TOGARAM1: variants seen among roughly 807,000 people sequenced by gnomAD.
The protein encoded by TOGARAM1 is TOG array regulator of axonemal microtubules 1, also known as TOG array regulator of axonemal microtubules protein 1.
TOGARAM1 carries 100 observed loss-of-function variants against 166.6 expected under a neutral mutation model. The ratio of observed to expected loss-of-function variants is 0.60; its 90% CI spans 0.51 to 0.71. The LOEUF is 0.71. Ranked by LOEUF, TOGARAM1 falls within the 30% of genes least tolerant of loss-of-function variation. TOGARAM1 has a pLI of 0.00. For synonymous variants in TOGARAM1, 758 were observed against 763.8 expected (o/e 0.99, Z 0.13); for missense variants, 2,029 against 2,102.7 (o/e 0.96, Z 0.69).
chr14:45,042,672 T>C (rs1483958929), intron 11 of TOGARAM1, among the ~76,000 whole-genome samples: 1 of 152,150 alleles, frequency 6.6e-6, no homozygotes, highest in African/African-American at 2.4e-5. Context: ...TACACTATAA[T>C]GTAGTCTAAT....
Position 45,009,322 on chromosome 14 carries a change from G to C in TOGARAM1, c.3137+177G>C, listed in dbSNP as rs1879654914. On this transcript the variant is annotated intron_variant, in intron 6 of 19. Coordinates refer to ENST00000361462, the MANE Select transcript of TOGARAM1 (RefSeq NM_001308120.2). ...ATTACCTTGCTTGGCTTTGGTTTCT[G>C]GTGTGAGTGGAAAGAGAACACAACC... Among the ~76,000 whole-genome samples, 5 of 152,278 alleles carry C rather than the reference G, an allele frequency of 3.3e-5. No homozygotes were observed. The South Asian group carries it at 1.0e-3, about 32-fold the overall frequency.
Position 44,999,517 on chromosome 14 carries a change from T to C in TOGARAM1, c.2338+20T>C. The C allele has an allele frequency of 6.4e-7, 1 of 1,564,756 alleles. No individual in the cohort carries two copies. Among genetic ancestry groups the C allele is most frequent in the Non-Finnish European group, 8.7e-7 (1 of 1,150,844 alleles). The stretch of plus-strand genomic sequence containing the variant: ...AAAAAGGTATAAGTTCCAAATTTAC[T>C]TGGAAACAAATGACTTATAAATATT... On this transcript the variant is annotated intron_variant, in intron 3 of 19. Transcript: ENST00000361462.
At chr14:44,999,558 C>T (rs17115735) in intron 3 of TOGARAM1, 61 bp downstream of exon 3, 197,076 of 1,383,706 alleles carry the variant, frequency 0.14, 14,859 homozygotes, top group African/African-American at 0.22. Context: ...GGGATTCCAA[C>T]ACTAACTTAT....
rs760071010 is a variant in TOGARAM1 at position 45,027,457 on chromosome 14, G to A, written c.3487G>A (p.Val1163Ile). ...GCAAAATATTTCATCATATCTTGAT[G>A]TTGAGAATGAAAAAGATGTAAGGTT... ...VQQNISSYLD[V>I]ENEKDAKVSI... The change falls in exon 9 of 20, where the codon GTT becomes ATT. Residue 1163 changes from valine to isoleucine, a missense_variant. Val to Ile is a conservative substitution (Grantham distance 29, BLOSUM62 3). Transcript: ENST00000361462. The A allele has an allele frequency of 1.2e-6, 2 of 1,604,796 alleles. No homozygotes were observed. Among genetic ancestry groups the A allele is most frequent in the Admixed American group, 1.7e-5 (1 of 58,046 alleles).
Position 45,049,057 on chromosome 14 carries a change from CAAAAAAAAAAAAA to C in TOGARAM1, c.4313+2371_4313+2383del, listed in dbSNP as rs71108678. On this transcript the variant is annotated intron_variant, in intron 14 of 19. Coordinates refer to ENST00000361462, the MANE Select transcript of TOGARAM1 (RefSeq NM_001308120.2). ...GAGCCCAGGACAGAGACAAACTTCT[CAAAAAAAAAAAAA>C]AAAAAAAAAAAAAAAAGACTGAGGT... 3.4e-4 allele frequency among the ~76,000 whole-genome samples: 16 copies of C among 47,324 alleles called. No individual in the cohort carries two copies. In the South Asian group the frequency reaches 8.7e-3, roughly 26 times the overall value. 31.0% of individuals were successfully genotyped at this position (47,324 alleles called of 152,430 possible).
rs1594668752 is a variant in TOGARAM1, at chr14:45,025,799, A to C, written c.3255A>C (p.Pro1085=). The C allele has an allele frequency of 9.3e-6, 15 of 1,606,256 alleles. No individual in the cohort carries two copies. The highest frequency in any genetic ancestry group is 1.3e-5 in the Non-Finnish European group (15 of 1,173,778). The change falls in exon 8 of 20, where the codon CCA becomes CCC. Residue 1085 remains proline, a synonymous_variant. Transcript: ENST00000361462. ...QSPSAGSSSN[P]QQISSFDFTT... is the part of the protein sequence containing the mutation. Reference sequence around the variant, plus strand: ...GATTTACAGGGTCATCATCAAATCCACAGCAAATTTCCAGTTTTGACTTCA... The same window carrying C: ...GATTTACAGGGTCATCATCAAATCCCCAGCAAATTTCCAGTTTTGACTTCA...
At chr14:45,041,704 T>C (rs1881735978) in intron 11 of TOGARAM1, among the ~76,000 whole-genome samples, 1 of 152,222 alleles carries the variant, frequency 6.6e-6, no homozygotes, top group African/African-American at 2.4e-5. Flanking sequence ...TTCACTGTCT[T>C]AGTTAATAGC....
chr14:45,029,063 T>A (rs1023194049), intron 10 of TOGARAM1, among the ~76,000 whole-genome samples: 15 of 152,210 alleles, frequency 9.9e-5, no homozygotes, highest in Non-Finnish European at 1.9e-4. Context: ...TTTTCCTAGC[T>A]TTTATTTCCA....
At chr14:44,975,587 C>T (rs1259035647) in intron 1 of TOGARAM1, among the ~76,000 whole-genome samples, 1 of 152,124 alleles carries the variant, frequency 6.6e-6, no homozygotes, top group Non-Finnish European at 1.5e-5. Flanking sequence ...CCACCTCAGC[C>T]TCCCGGATAA....
At chr14:45,049,502 G>A (rs1318822134) in intron 14 of TOGARAM1, among the ~76,000 whole-genome samples, 2 of 152,026 alleles carry the variant, frequency 1.3e-5, no homozygotes, top group African/African-American at 2.4e-5. Context: ...CTTGTGATCC[G>A]CCTGCCTCGG....
intron 1 of TOGARAM1, among the ~76,000 whole-genome samples, chr14:44,992,880 G>A (rs1455124245): frequency 2.0e-5 from 3 of 151,434 alleles, no homozygotes; most frequent in Non-Finnish European, 4.4e-5. Flanking sequence ...GCCTCCCAAA[G>A]TGCTGGGATT....
At chr14:45,001,072 G>T (rs1171774986) in intron 3 of TOGARAM1, among the ~76,000 whole-genome samples, 1 of 152,060 alleles carries the variant, frequency 6.6e-6, no homozygotes, top group Non-Finnish European at 1.5e-5. Flanking sequence ...GTTTTCTATA[G>T]TGGCTGTACT....
intron 11 of TOGARAM1, among the ~76,000 whole-genome samples, chr14:45,038,158 C>G (rs1264007304): frequency 6.6e-6 from 1 of 152,214 alleles, no homozygotes; most frequent in Admixed American, 6.5e-5. Context: ...CCATCCACCT[C>G]AGCCTTCCAA....
intron 11 of TOGARAM1, among the ~76,000 whole-genome samples, chr14:45,040,326 C>T (rs1212300140): frequency 6.6e-6 from 1 of 152,068 alleles, no homozygotes; most frequent in African/African-American, 2.4e-5. Context: ...GAATATGTCA[C>T]AGTATAACAC....
intron 15 of TOGARAM1, among the ~76,000 whole-genome samples, chr14:45,053,312 A>C (rs957867807): frequency 7.2e-5 from 11 of 152,144 alleles, no homozygotes; most frequent in Non-Finnish European, 1.6e-4. Context: ...AAGTGCTGGG[A>C]TTACAGGCGA....
intron 7 of TOGARAM1, among the ~76,000 whole-genome samples, chr14:45,015,067 G>T (rs1278127188): frequency 6.6e-6 from 1 of 152,088 alleles, no homozygotes; most frequent in Non-Finnish European, 1.5e-5. Flanking sequence ...ACTTTGGGAG[G>T]CTGAGGCAGG....
At chr14:45,025,214 T>C (rs1001133001) in intron 7 of TOGARAM1, among the ~76,000 whole-genome samples, 1 of 152,220 alleles carries the variant, frequency 6.6e-6, no homozygotes, top group Non-Finnish European at 1.5e-5. Flanking sequence ...CTGATTATCA[T>C]GCTGTGATAA....
At chr14:45,071,822 G>A in intron 19 of TOGARAM1, 24 bp downstream of exon 19, 3 of 1,552,540 alleles carry the variant, frequency 1.9e-6, no homozygotes, top group Non-Finnish European at 2.6e-6. Flanking sequence ...AATTTCTAAA[G>A]AAATATTTTA....
intron 12 of TOGARAM1, 66 bp from the exon 13 acceptor site, chr14:45,044,569 C>T: frequency 1.7e-6 from 2 of 1,154,090 alleles, no homozygotes; most frequent in Non-Finnish European, 2.5e-6. Context: ...AAATTCCTTT[C>T]CAAGTTATTA....
Sources: gnomAD v4.1 joint callset for allele counts (sites outside exome capture counted in the v4.1 genomes callset) on GRCh38, gnomAD v4.1.1 for gene constraint, MANE v1.5 for transcripts, NCBI Gene and HGNC (gene_info 2026-07-23, HGNC 2026-07-21) for gene names.